The following STAT5B variants were observed in gnomAD, a reference collection of about 807,000 sequenced individuals.
STAT5B encodes the protein signal transducer and activator of transcription 5B.
STAT5B carries 21 observed loss-of-function variants against 107.8 expected under a neutral mutation model. The observed-to-expected ratio is 0.19, with a 90% CI of 0.14 to 0.28. The LOEUF is 0.28. Among genes scored for constraint, STAT5B ranks in the 10% least tolerant of loss-of-function variants. The pLI is 1.00. For synonymous variants in STAT5B, 325 were observed against 401.7 expected (o/e 0.81, Z 2.28); for missense variants, 565 against 1,008.2 (o/e 0.56, Z 5.95).
rs1301175665 is a variant in STAT5B at position 42,199,653 on chromosome 17, C to T, written c.*2085G>A. The stretch of plus-strand genomic sequence containing the variant: ...CTCTCTAGGCACAGCCTCGGTAACA[C>T]CGAGGACAGCTCACAACTGGACAAG... On this transcript the variant is annotated 3_prime_UTR_variant, in exon 19 of 19. Transcript: ENST00000293328. 2.6e-5 allele frequency: 4 copies of T among 152,414 alleles called. No homozygotes were observed. Among genetic ancestry groups the T allele is most frequent in the Non-Finnish European group, 5.9e-5 (4 of 68,088 alleles). 9.4% of individuals were successfully genotyped at this position (152,414 alleles called of 1,614,324 possible).
Position 42,201,364 on chromosome 17 carries a change from A to T in STAT5B, c.*374T>A, listed in dbSNP as rs1470511166. 3.5e-6 allele frequency: 2 copies of T among 573,772 alleles called. No individual in the cohort carries two copies. Among genetic ancestry groups the T allele is most frequent in the Non-Finnish European group, 6.2e-6 (2 of 323,902 alleles). The allele number at this position is 573,772 out of a possible 1,614,324, so 35.5% of individuals were successfully genotyped here. A position where few individuals can be genotyped will look rare whatever the true frequency, so the allele number is the denominator to read the frequency against. On this transcript the variant is annotated 3_prime_UTR_variant, in exon 19 of 19. Coordinates refer to ENST00000293328, the MANE Select transcript of STAT5B (RefSeq NM_012448.4). ...TCTTATTCAAACAGCCACATGTCAA[A>T]GTCCAGCCACTCTTAAGACACATGG... is the stretch of plus-strand genomic sequence containing the variant.
intron 2 of STAT5B, 117 bp downstream of exon 2, chr17:42,231,883 A>G: frequency 6.7e-7 from 1 of 1,483,940 alleles, no homozygotes; most frequent in Non-Finnish European, 9.2e-7. Context: ...TTTATGGATC[A>G]CATTTAAAAA....
At chr17:42,233,353 CCT>C (rs2080332542) in intron 1 of STAT5B, among the ~76,000 whole-genome samples, 1 of 152,122 alleles carries the variant, frequency 6.6e-6, no homozygotes, top group Non-Finnish European at 1.5e-5. Flanking sequence ...AGGTTCACCT[CCT>C]GAGTTACTGC....
chr17:42,203,550 G>A (rs1178939115), intron 16 of STAT5B, among the ~76,000 whole-genome samples: 6 of 152,186 alleles, frequency 3.9e-5, no homozygotes, highest in Non-Finnish European at 7.3e-5. Flanking sequence ...GTCATGCAGG[G>A]AAGAATGTTC....
chr17:42,207,805 A>G, intron 15 of STAT5B, 77 bp from the exon 16 acceptor site: 1 of 1,501,496 alleles, frequency 6.7e-7, no homozygotes, highest in Non-Finnish European at 9.2e-7. Flanking sequence ...AACATACTAT[A>G]AATTCAAGCT....
rs1459756765 is a variant in STAT5B, at chr17:42,212,138, T to C, written c.1526A>G (p.Glu509Gly). ...PDKVLWPQLC[E>G]ALNMKFKAEV... Reference sequence around the variant, plus strand: ...GGCCTTGAATTTCATGTTGAGCGCCTCACACAGCTGTGGCCACAGCACTTT... The same window carrying C: ...GGCCTTGAATTTCATGTTGAGCGCCCCACACAGCTGTGGCCACAGCACTTT... The change falls in exon 13 of 19, where the codon GAG (glutamate) becomes GGG (glycine). Residue 509 changes from glutamate (E) to glycine (G), a missense_variant. By Grantham distance (98) the Glu-to-Gly change is moderately conservative (BLOSUM62 -2). Transcript: ENST00000293328. 16 of 1,614,134 alleles carry C rather than the reference T, an allele frequency of 9.9e-6. No homozygotes were observed. Among genetic ancestry groups the C allele is most frequent in the Non-Finnish European group, 1.4e-5 (16 of 1,180,022 alleles).
In STAT5B at chr17:42,209,199, A is replaced by G. The variant is rs556043826; in HGVS notation, c.1906+972T>C. Among the ~76,000 whole-genome samples, 9 of 151,986 alleles carry G rather than the reference A, an allele frequency of 5.9e-5. No individual in the cohort carries two copies. The East Asian group carries it at 1.7e-3, about 29-fold the overall frequency. On this transcript the variant is annotated intron_variant, in intron 15 of 18. Transcript: ENST00000293328. ...ACAGGCGCACACCATGAGCACCACCATGCCCACCTAATTAACTTATTTATT... is the reference window on the plus strand; with the variant it reads ...ACAGGCGCACACCATGAGCACCACCGTGCCCACCTAATTAACTTATTTATT...
intron 4 of STAT5B, 116 bp from the exon 5 acceptor site, chr17:42,223,672 G>T: frequency 7.6e-7 from 1 of 1,313,864 alleles, no homozygotes; most frequent in Non-Finnish European, 1.0e-6. Flanking sequence ...GGTAAATTTT[G>T]AGTCGGGAGG....
intron 1 of STAT5B, chr17:42,271,755 T>C (rs1015662688): frequency 1.3e-5 from 2 of 152,168 alleles, no homozygotes; most frequent in Admixed American, 1.3e-4. Flanking sequence ...AAAATGGACA[T>C]AGTTATTAAG....
chr17:42,216,689 T>A (rs890720457), intron 11 of STAT5B, among the ~76,000 whole-genome samples: 3 of 151,362 alleles, frequency 2.0e-5, no homozygotes, highest in Non-Finnish European at 4.4e-5. Context: ...TGCTTGTTCA[T>A]GTCTTTTTTT....
At chr17:42,217,023 T>C in intron 11 of STAT5B, 137 bp downstream of exon 11, 1 of 1,448,882 alleles carries the variant, frequency 6.9e-7, no homozygotes, top group African/African-American at 1.4e-5. Context: ...GTTCTCAGGG[T>C]GAGGTCAGTC....
intron 1 of STAT5B, among the ~76,000 whole-genome samples, chr17:42,252,310 G>C (rs1302805474): frequency 6.6e-6 from 1 of 152,078 alleles, no homozygotes; most frequent in Admixed American, 6.6e-5. Flanking sequence ...TGATCATTTT[G>C]ATAATCTTAT....
chr17:42,222,705 G>A (rs2080240702), intron 5 of STAT5B, among the ~76,000 whole-genome samples: 1 of 142,024 alleles, frequency 7.0e-6, no homozygotes, highest in Non-Finnish European at 1.5e-5. Context: ...TTTTGAGACA[G>A]AATTTTGCTC....
chr17:42,229,004 C>T (rs1029063309), intron 2 of STAT5B, among the ~76,000 whole-genome samples: 6 of 152,164 alleles, frequency 3.9e-5, no homozygotes, highest in Admixed American at 6.5e-5. Flanking sequence ...CCCCAATCTG[C>T]GCCTTGAGAA....
At chr17:42,222,046 GCTGTGTGT>G (rs1265426787) in intron 5 of STAT5B, among the ~76,000 whole-genome samples, 3 of 144,252 alleles carry the variant, frequency 2.1e-5, no homozygotes, top group Non-Finnish European at 4.6e-5. Flanking sequence ...GTGTGTGTGT[GCTGTGTGT>G]CTGTGTGTGT....
In STAT5B at chr17:42,219,785, G is replaced by A. The variant is rs139065819; in HGVS notation, c.608C>T (p.Ala203Val). 13 of 1,613,690 alleles carry A rather than the reference G, an allele frequency of 8.1e-6. No homozygotes were observed. The highest frequency in any genetic ancestry group is 1.7e-4 in the Middle Eastern group (1 of 6,050). The change falls in exon 6 of 19, where the codon GCC (alanine) becomes GTC (valine). Residue 203 changes from alanine (A) to valine (V), a missense_variant. Transcript: ENST00000293328. ...SPQERLSRET[A>V]LQQKQVSLEA... ...CAGAGACACCTGCTTCTGCTGGAGG[G>A]CCGTCTCCCGGCTCAGACGCTCCTG...
In STAT5B at chr17:42,228,658, G is replaced by A. The variant is rs533011742; in HGVS notation, c.129-973C>T. On this transcript the variant is annotated intron_variant, in intron 2 of 18. Transcript: ENST00000293328. ...ATCAAAACAGTGAGACCGGCCGGGC[G>A]TGGTGGCTCACGCCTGTGATCCTAG... Among the ~76,000 whole-genome samples, 8 of 152,344 alleles carry A rather than the reference G, an allele frequency of 5.3e-5. No homozygotes were observed. The South Asian group carries it at 1.0e-3, about 20-fold the overall frequency.
At chr17:42,238,459 T>C (rs1312122841) in intron 1 of STAT5B, among the ~76,000 whole-genome samples, 1 of 146,990 alleles carries the variant, frequency 6.8e-6, no homozygotes, top group East Asian at 2.0e-4. Context: ...GCCTTTTTTT[T>C]TTTTTTTTTT....
intron 1 of STAT5B, among the ~76,000 whole-genome samples, chr17:42,242,676 A>C (rs1221736832): frequency 6.7e-6 from 1 of 148,722 alleles, no homozygotes; most frequent in Non-Finnish European, 1.5e-5. Context: ...TAATTCAAAA[A>C]CAAAAACACG....
Sources: gnomAD v4.1 joint callset for allele counts (sites outside exome capture counted in the v4.1 genomes callset) on GRCh38, gnomAD v4.1.1 for gene constraint, MANE v1.5 for transcripts, NCBI Gene and HGNC (gene_info 2026-07-23, HGNC 2026-07-21) for gene names.